FSTL4: variants seen among roughly 807,000 people sequenced by gnomAD.
The protein encoded by FSTL4 is follistatin-related protein 4.
FSTL4 carries 28 observed loss-of-function variants against 78.2 expected under a neutral mutation model. The observed-to-expected ratio is 0.36, with a 90% confidence interval of 0.27 to 0.49. The LOEUF (loss-of-function observed/expected upper bound fraction) is 0.49. Among genes scored for constraint, FSTL4 ranks in the 20% least tolerant of loss-of-function variants. FSTL4 has a pLI of 0.98. For synonymous variants in FSTL4, 422 were observed against 440.5 expected, an observed-to-expected ratio of 0.96 and a Z score of 0.53; for missense variants, 922 against 1,084.9, an observed-to-expected ratio of 0.85 and a Z score of 2.11.
At chr5:133,212,667 A>G (rs763276830) in intron 13 of FSTL4, among the ~76,000 whole-genome samples, 3 of 152,232 alleles carry the variant, frequency 2.0e-5, no homozygotes, top group Non-Finnish European at 4.4e-5. Flanking sequence ...GAGTTCCCAA[A>G]GAAGAGGTGA....
the FSTL4 span, among the ~76,000 whole-genome samples, chr5:133,710,000 T>A: frequency 1.1e-4 from 16 of 152,174 alleles, no homozygotes; most frequent in African/African-American, 3.9e-4. Flanking sequence ...GAGATGTGTC[T>A]TTCCATGCTC....
chr5:133,460,202 T>C (rs1042862737), intron 3 of FSTL4, among the ~76,000 whole-genome samples: 11 of 152,190 alleles, frequency 7.2e-5, no homozygotes, highest in Non-Finnish European at 1.3e-4. Flanking sequence ...AGTACATCTC[T>C]GCTTATGTTA....
At chr5:133,301,169 C>T (rs1180987326) in intron 6 of FSTL4, among the ~76,000 whole-genome samples, 1 of 152,152 alleles carries the variant, frequency 6.6e-6, no homozygotes, top group Non-Finnish European at 1.5e-5. Flanking sequence ...ACCCCAGAGT[C>T]ACACATCATG....
chr5:133,301,633 T>A (rs899934739), intron 6 of FSTL4, among the ~76,000 whole-genome samples: 5 of 152,112 alleles, frequency 3.3e-5, no homozygotes, highest in Non-Finnish European at 7.4e-5. Flanking sequence ...CGTTTTGCAG[T>A]CCCAACAAGT....
intron 3 of FSTL4, among the ~76,000 whole-genome samples, chr5:133,428,535 A>T (rs748906459): frequency 2.0e-5 from 3 of 152,194 alleles, no homozygotes; most frequent in Non-Finnish European, 4.4e-5. Flanking sequence ...TCTGCTAAGG[A>T]CATCCTGGGC....
At chr5:133,512,920 C>A (rs547477458) in intron 3 of FSTL4, among the ~76,000 whole-genome samples, 1 of 152,112 alleles carries the variant, frequency 6.6e-6, no homozygotes, top group African/African-American at 2.4e-5. Context: ...CAGGTTCAAG[C>A]GATTCTCATG....
At chr5:133,271,628 G>A (rs1323722058) in intron 6 of FSTL4, among the ~76,000 whole-genome samples, 1 of 152,176 alleles carries the variant, frequency 6.6e-6, no homozygotes, top group African/African-American at 2.4e-5. Context: ...CAGTAACAGA[G>A]ACCTTGAGAG....
the FSTL4 span, among the ~76,000 whole-genome samples, chr5:133,641,366 T>G: frequency 6.6e-6 from 1 of 152,204 alleles, no homozygotes; most frequent in Non-Finnish European, 1.5e-5. Flanking sequence ...ATTCTAGATA[T>G]TCTGGAATAA....
At chr5:133,380,531 A>G (rs1260995768) in intron 4 of FSTL4, among the ~76,000 whole-genome samples, 1 of 152,008 alleles carries the variant, frequency 6.6e-6, no homozygotes, top group Admixed American at 6.5e-5. Flanking sequence ...TTAGTTATTT[A>G]AAAATTTCAC....
chr5:133,667,907 A>T, the FSTL4 span, among the ~76,000 whole-genome samples: 1 of 152,232 alleles, frequency 6.6e-6, no homozygotes, highest in Non-Finnish European at 1.5e-5. Flanking sequence ...GTAGACAATA[A>T]ACATTCGTTG....
At chr5:133,831,899 G>T in the FSTL4 span, among the ~76,000 whole-genome samples, 1 of 152,202 alleles carries the variant, frequency 6.6e-6, no homozygotes, top group Admixed American at 6.5e-5. Flanking sequence ...CTGTGTCCAA[G>T]GGTCAGAAAG....
At chr5:133,393,487 T>G (rs1427199771) in intron 4 of FSTL4, among the ~76,000 whole-genome samples, 2 of 152,130 alleles carry the variant, frequency 1.3e-5, no homozygotes, top group Non-Finnish European at 2.9e-5. Flanking sequence ...CTGTGGAGCT[T>G]AAAGTGAAGG....
At chr5:133,752,959 A>C in the FSTL4 span, among the ~76,000 whole-genome samples, 1 of 152,202 alleles carries the variant, frequency 6.6e-6, no homozygotes, top group East Asian at 1.9e-4. Flanking sequence ...AGAAAAGAAA[A>C]AACAAGACCT....
At chr5:133,289,272 T>C (rs1753203138) in intron 6 of FSTL4, among the ~76,000 whole-genome samples, 1 of 152,170 alleles carries the variant, frequency 6.6e-6, no homozygotes. Context: ...GAATCCCCAC[T>C]CCTAATCCTT....
chr5:133,204,994 A>C (rs2126763823), intron 14 of FSTL4, among the ~76,000 whole-genome samples: 1 of 149,264 alleles, frequency 6.7e-6, no homozygotes, highest in Middle Eastern at 3.8e-3. Flanking sequence ...AAATGATTTC[A>C]TACTTTTTTT....
intron 14 of FSTL4, among the ~76,000 whole-genome samples, chr5:133,209,245 T>A (rs1011094448): frequency 1.7e-4 from 26 of 152,090 alleles, no homozygotes; most frequent in African/African-American, 6.3e-4. Context: ...AAACTGAAGT[T>A]GTGAGTGATG....
chr5:133,235,661 CAAA>C (rs1210824980), intron 7 of FSTL4, among the ~76,000 whole-genome samples: 1 of 152,002 alleles, frequency 6.6e-6, no homozygotes, highest in Non-Finnish European at 1.5e-5. Flanking sequence ...GCAGTGCTCT[CAAA>C]GAAGTAAAAT....
the FSTL4 span, among the ~76,000 whole-genome samples, chr5:133,789,796 G>A: frequency 6.6e-6 from 1 of 152,284 alleles, no homozygotes; most frequent in African/African-American, 2.4e-5. Flanking sequence ...TTGGGGTGGG[G>A]GAATCTCTGA....
chr5:133,718,354 C>T, the FSTL4 span, among the ~76,000 whole-genome samples: 2 of 152,310 alleles, frequency 1.3e-5, no homozygotes, highest in Admixed American at 1.3e-4. Flanking sequence ...GCTGGGATTA[C>T]AGGCATGAGA....
Sources: allele counts gnomAD v4.1 joint callset (sites outside exome capture counted in the v4.1 genomes callset), GRCh38; gene constraint gnomAD v4.1.1; transcripts MANE v1.5; gene names NCBI Gene and HGNC (gene_info 2026-07-23, HGNC 2026-07-21).